The following NEBL variants were observed in gnomAD, a reference collection of about 807,000 sequenced individuals.
NEBL encodes the protein nebulette.
A neutral mutation model predicts 140.2 loss-of-function variants in NEBL; 122 were observed. That is an observed-to-expected ratio of 0.87 (90% CI 0.75 to 1.01). The LOEUF (loss-of-function observed/expected upper bound fraction) is 1.01, where lower values mean the gene tolerates loss of function less well. Ranked by LOEUF, NEBL falls within the 50% of genes least tolerant of loss-of-function variation. The probability of loss-of-function intolerance (pLI) is 0.00; values close to 1 mark genes in which losing one functional copy is unlikely to be tolerated. For missense variants in NEBL, 1,365 were observed against 1,231.3 expected (o/e 1.11, Z -1.62); for synonymous variants, 436 against 398.9 (o/e 1.09, Z -1.11).
At chr10:21,128,047 A>G (rs1192391620) in intron 2 of NEBL, among the ~76,000 whole-genome samples, 1 of 152,184 alleles carries the variant, frequency 6.6e-6, no homozygotes, top group Non-Finnish European at 1.5e-5. Context: ...TGGCATCTAT[A>G]TTTTTGTAAA....
chr10:20,867,877 A>C (rs1460774532), intron 7 of NEBL: 1 of 151,974 alleles, frequency 6.6e-6, no homozygotes, highest in Non-Finnish European at 1.5e-5. Context: ...TATCCTACTG[A>C]TTATTTAATC....
At position 20,937,049 on chromosome 10, in the gene NEBL, A is replaced by C. The variant is rs76214694; in HGVS notation, c.357+24623T>G. Among the ~76,000 whole-genome samples, 1,030 of 152,316 alleles carry C rather than the reference A, an allele frequency of 6.8e-3. 14 individuals carry two copies. The highest frequency in any genetic ancestry group is 0.023 in the African/African-American group (961 of 41,560). ...TGCTTTCGATGTGTGATCTGGAAGG[A>C]TTTAAAATTGCACCTGCCAAGTGCA... On this transcript the variant is annotated intron_variant, in intron 4 of 6. Coordinates refer to the NEBL transcript ENST00000417816.
intron 2 of NEBL, among the ~76,000 whole-genome samples, chr10:21,022,408 G>A (rs374088031): frequency 2.0e-5 from 3 of 152,170 alleles, no homozygotes; most frequent in Admixed American, 6.5e-5. Flanking sequence ...CCCAAAGCAC[G>A]CTAGCACTTG....
At chr10:21,247,399 G>A (rs1358807315) in intron 3 of NEBL, among the ~76,000 whole-genome samples, 2 of 152,160 alleles carry the variant, frequency 1.3e-5, no homozygotes, top group African/African-American at 4.8e-5. Flanking sequence ...TTCGCTAGAA[G>A]ACAAAACTAT....
intron 2 of NEBL, among the ~76,000 whole-genome samples, chr10:21,130,517 A>G (rs1477768991): frequency 2.6e-5 from 4 of 152,224 alleles, no homozygotes; most frequent in African/African-American, 4.8e-5. Flanking sequence ...TAGCAAATTT[A>G]AAATAATAGA....
At chr10:21,054,853 T>C (rs1250146285) in intron 2 of NEBL, among the ~76,000 whole-genome samples, 1 of 152,202 alleles carries the variant, frequency 6.6e-6, no homozygotes, top group African/African-American at 2.4e-5. Context: ...AATTTTTCAA[T>C]TTCATGAAAC....
At chr10:21,068,399 T>C (rs1835662085) in intron 2 of NEBL, among the ~76,000 whole-genome samples, 1 of 152,198 alleles carries the variant, frequency 6.6e-6, no homozygotes, top group African/African-American at 2.4e-5. Flanking sequence ...CCTCAGTTTG[T>C]ACTCTCCTGG....
intron 26 of NEBL, among the ~76,000 whole-genome samples, chr10:20,791,852 G>A (rs1264190607): frequency 6.6e-6 from 1 of 152,200 alleles, no homozygotes; most frequent in East Asian, 1.9e-4. Flanking sequence ...CGCAGAGTGC[G>A]TGAAAGAAGA....
chr10:20,930,392 C>G (rs1183821631), intron 4 of NEBL, among the ~76,000 whole-genome samples: 1 of 152,228 alleles, frequency 6.6e-6, no homozygotes, highest in Non-Finnish European at 1.5e-5. Context: ...ACCACCCTAT[C>G]TCACGTGTCT....
rs548552927 is a variant in NEBL, at chr10:20,974,400, T to C, written c.250-12621A>G. On this transcript the variant is annotated intron_variant, in intron 3 of 6. Coordinates refer to the NEBL transcript ENST00000417816. ...TTTCAAGTACTTGGGACTACAGGCATGCTCCACCACATCCAGCTAATTTTT... is the reference window on the plus strand; with the variant it reads ...TTTCAAGTACTTGGGACTACAGGCACGCTCCACCACATCCAGCTAATTTTT... Among the ~76,000 whole-genome samples the C allele has an allele frequency of 5.9e-5, 9 of 151,988 alleles. No homozygotes were observed. In the East Asian group the frequency reaches 1.7e-3, roughly 29 times the overall value.
chr10:20,853,275 C>T (rs959344114), intron 9 of NEBL, among the ~76,000 whole-genome samples: 3 of 152,052 alleles, frequency 2.0e-5, no homozygotes, highest in Middle Eastern at 3.2e-3. Flanking sequence ...TGGATGAAGG[C>T]TACTATTTGG....
At chr10:21,253,866 T>C (rs1459642239) in intron 1 of NEBL, among the ~76,000 whole-genome samples, 17 of 152,132 alleles carry the variant, frequency 1.1e-4, no homozygotes, top group Non-Finnish European at 1.5e-5. Flanking sequence ...TTTTTAAGGA[T>C]GATCTCTTCA....
chr10:21,234,896 A>T lies in NEBL; in HGVS notation n.348+13025T>A, dbSNP rs370155518. Reference sequence around the variant, plus strand: ...AGCTGGTTTCCTCCGGTACAGGCCAAAACAAGGCTCAACGGTGAGATATAA... The same window carrying T: ...AGCTGGTTTCCTCCGGTACAGGCCATAACAAGGCTCAACGGTGAGATATAA... On this transcript the variant is annotated intron_variant and non_coding_transcript_variant, in intron 3 of 8. Coordinates refer to the NEBL transcript ENST00000675702. 4.6e-5 allele frequency among the ~76,000 whole-genome samples: 7 copies of T among 152,358 alleles called. No individual in the cohort carries two copies. In the South Asian group the frequency reaches 1.4e-3, roughly 32 times the overall value.
intron 5 of NEBL, among the ~76,000 whole-genome samples, chr10:20,876,606 T>C (rs1845524874): frequency 6.6e-6 from 1 of 152,186 alleles, no homozygotes; most frequent in African/African-American, 2.4e-5. Flanking sequence ...GTCTTTCATT[T>C]CCCACGCTGA....
At chr10:20,951,475 TA>T (rs10715595) in intron 4 of NEBL, among the ~76,000 whole-genome samples, 19,829 of 147,480 alleles carry the variant, frequency 0.13, 1,649 homozygotes, top group Admixed American at 0.21. Context: ...GTTGCATACT[TA>T]AAAAAAAAAA....
intron 3 of NEBL, among the ~76,000 whole-genome samples, chr10:21,239,763 A>G (rs1245875883): frequency 6.6e-6 from 1 of 152,166 alleles, no homozygotes; most frequent in Non-Finnish European, 1.5e-5. Flanking sequence ...CACGCCTGTA[A>G]TCCCAGCACT....
intron 2 of NEBL, among the ~76,000 whole-genome samples, chr10:21,060,780 A>T (rs1396333240): frequency 6.6e-6 from 1 of 152,044 alleles, no homozygotes; most frequent in African/African-American, 2.4e-5. Context: ...GACTCACTCC[A>T]AGGGTGATCA....
At chr10:21,006,197 C>T (rs777372754) in intron 3 of NEBL, among the ~76,000 whole-genome samples, 3 of 152,146 alleles carry the variant, frequency 2.0e-5, no homozygotes, top group Admixed American at 6.5e-5. Context: ...GATGACCTTT[C>T]GCTCTGTTTC....
Position 21,221,858 on chromosome 10 carries a change from T to C in NEBL, n.348+26063A>G, listed in dbSNP as rs1038144888. On this transcript the variant is annotated intron_variant and non_coding_transcript_variant, in intron 3 of 8. Transcript: ENST00000675702. The stretch of plus-strand genomic sequence containing the variant: ...GGGAAATTAAGAAAGTCCTGGCTTC[T>C]GTCCTCTCTCATTCATCTTTGTATT... Among the ~76,000 whole-genome samples, 16 of 152,238 alleles carry C rather than the reference T, an allele frequency of 1.1e-4. No homozygotes were observed. In the South Asian group the frequency reaches 3.3e-3, roughly 32 times the overall value.
Sources: gnomAD v4.1 joint callset for allele counts (sites outside exome capture counted in the v4.1 genomes callset) on GRCh38, gnomAD v4.1.1 for gene constraint, MANE v1.5 for transcripts, NCBI Gene and HGNC (gene_info 2026-07-23, HGNC 2026-07-21) for gene names.